ADCY8: variants seen among roughly 807,000 people sequenced by gnomAD.
ADCY8 encodes adenylate cyclase type 8.
A neutral mutation model predicts 119.7 loss-of-function variants in ADCY8; 51 were observed. The observed-to-expected ratio is 0.43, with a 90% CI of 0.34 to 0.54. The LOEUF is 0.54. Ranked by LOEUF, ADCY8 falls within the 20% of genes least tolerant of loss-of-function variation. The probability of loss-of-function intolerance (pLI) is 0.03; values close to 1 mark genes in which losing one functional copy is unlikely to be tolerated. For missense variants in ADCY8, 1,383 were observed against 1,598.8 expected, an observed-to-expected ratio of 0.87 and a Z score of 2.30; for synonymous variants, 665 against 651.0, an observed-to-expected ratio of 1.02 and a Z score of -0.33.
intron 4 of ADCY8, among the ~76,000 whole-genome samples, chr8:130,941,648 T>A (rs1820960542): frequency 6.6e-6 from 1 of 152,086 alleles, no homozygotes; most frequent in African/African-American, 2.4e-5. Flanking sequence ...CAGTTTCCAC[T>A]TCCTCCTCCG....
At chr8:131,009,805 G>C (rs1823243805) in intron 1 of ADCY8, among the ~76,000 whole-genome samples, 1 of 152,208 alleles carries the variant, frequency 6.6e-6, no homozygotes. Flanking sequence ...GGCAAGCAAG[G>C]ATGGGGAAAG....
intron 5 of ADCY8, among the ~76,000 whole-genome samples, chr8:130,934,377 C>T (rs1426076957): frequency 6.7e-6 from 1 of 149,880 alleles, no homozygotes; most frequent in Non-Finnish European, 1.5e-5. Flanking sequence ...AGGAAGAGAG[C>T]AAAGAAGGAG....
chr8:130,909,039 A>AT (rs138730507), intron 6 of ADCY8, among the ~76,000 whole-genome samples: 12,691 of 63,870 alleles, frequency 0.2, 622 homozygotes, highest in East Asian at 0.31. Context: ...CCATCCATCC[A>AT]CCATCCATCC....
In ADCY8 at chr8:130,780,879, TG is replaced by T. The variant is rs1470049531; in HGVS notation, c.3269-3del. 3.1e-6 allele frequency: 5 copies of T among 1,612,116 alleles called. No individual in the cohort carries two copies. The African/African-American group carries it at 5.3e-5, about 17-fold the overall frequency. The stretch of plus-strand genomic sequence containing the variant: ...CTACCACTGAGCCGTGGCTGATGCC[TG>T]GGGGGTGAAGCAAAGGAGCAAGAAG... On this transcript the variant is annotated splice_region_variant and splice_polypyrimidine_tract_variant and intron_variant, in intron 17 of 17. Coordinates refer to ENST00000286355, the MANE Select transcript of ADCY8 (RefSeq NM_001115.3).
intron 17 of ADCY8, among the ~76,000 whole-genome samples, chr8:130,781,950 G>T (rs937191995): frequency 6.6e-6 from 1 of 152,040 alleles, no homozygotes; most frequent in Non-Finnish European, 1.5e-5. Flanking sequence ...ATACAGCCCT[G>T]GTCCCCATGG....
In ADCY8 at chr8:130,845,388, G is replaced by T. The variant is rs1196263294; in HGVS notation, c.2502+2036C>A. On this transcript the variant is annotated intron_variant, in intron 11 of 17. Coordinates refer to ENST00000286355, the MANE Select transcript of ADCY8 (RefSeq NM_001115.3). ...TGAGAACACATTGTTTAACTCCACA[G>T]TAGCCATGTAAAGAAGGTATTAATT... Among the ~76,000 whole-genome samples the T allele has an allele frequency of 5.3e-5, 8 of 152,188 alleles. No individual in the cohort carries two copies. The South Asian group carries it at 1.4e-3, about 28-fold the overall frequency.
chr8:130,900,630 C>T (rs1292245450), intron 7 of ADCY8, among the ~76,000 whole-genome samples: 1 of 152,214 alleles, frequency 6.6e-6, no homozygotes, highest in Admixed American at 6.5e-5. Context: ...ACACCACATT[C>T]CCTAGTTCTC....
intron 12 of ADCY8, 42 bp downstream of exon 12, chr8:130,836,235 G>T: frequency 6.4e-7 from 1 of 1,555,512 alleles, no homozygotes; most frequent in African/African-American, 1.4e-5. Flanking sequence ...ACTTCCCACA[G>T]GAAGTTGAGC....
intron 12 of ADCY8, among the ~76,000 whole-genome samples, chr8:130,822,019 A>T (rs1485452984): frequency 6.6e-6 from 1 of 152,242 alleles, no homozygotes; most frequent in Non-Finnish European, 1.5e-5. Context: ...AGAGAAGCAC[A>T]TAATTATTGA....
chr8:130,844,400 A>G (rs1817237135), intron 11 of ADCY8, among the ~76,000 whole-genome samples: 1 of 152,206 alleles, frequency 6.6e-6, no homozygotes, highest in Admixed American at 6.5e-5. Flanking sequence ...TATACTTTAT[A>G]TCATACATTG....
intron 5 of ADCY8, among the ~76,000 whole-genome samples, chr8:130,933,404 T>A (rs374716803): frequency 1.3e-5 from 2 of 152,256 alleles, no homozygotes; most frequent in African/African-American, 4.8e-5. Context: ...TCTAAACACA[T>A]TAAGGTGCAA....
Position 131,040,298 on chromosome 8 carries a change from G to A in ADCY8, c.36C>T (p.Ser12=). The change falls in exon 1 of 18, where the codon AGC becomes AGT. Residue 12 remains serine (S), a synonymous_variant. Transcript: ENST00000286355. Reference sequence around the variant, plus strand: ...TCGGGTGGATGGTGTAGAGTTCCTCGCTGCCTGTAAGGCAGCGCACATCGG... The same window carrying A: ...TCGGGTGGATGGTGTAGAGTTCCTCACTGCCTGTAAGGCAGCGCACATCGG... ...ELSDVRCLTG[S]EELYTIHPTP... 1 of 1,555,946 alleles carries A rather than the reference G, an allele frequency of 6.4e-7. No homozygotes were observed.
chr8:130,972,357 T>C (rs1821948417), intron 2 of ADCY8, among the ~76,000 whole-genome samples: 2 of 152,184 alleles, frequency 1.3e-5, no homozygotes, highest in Non-Finnish European at 2.9e-5. Flanking sequence ...ATGTGTGTTT[T>C]GCTAAACCTT....
At chr8:130,912,639 G>T (rs1202853695) in intron 5 of ADCY8, among the ~76,000 whole-genome samples, 1 of 152,202 alleles carries the variant, frequency 6.6e-6, no homozygotes, top group Non-Finnish European at 1.5e-5. Flanking sequence ...ACATAAGAAA[G>T]TAAAGTTGAA....
chr8:130,844,833 A>T, intron 11 of ADCY8, among the ~76,000 whole-genome samples: 1 of 152,216 alleles, frequency 6.6e-6, no homozygotes, highest in African/African-American at 2.4e-5. Context: ...AAATGGTAAC[A>T]TCAATCCATA....
At position 131,035,661 on chromosome 8, in the gene ADCY8, C is replaced by G. The variant is rs575410308; in HGVS notation, c.960+3713G>C. ...AGGGTAGAAAGAGGGAAAGCAGATT[C>G]TCATAGCTTAGATTAAAGGAAGGCA... is the stretch of plus-strand genomic sequence containing the variant. On this transcript the variant is annotated intron_variant, in intron 1 of 17. Coordinates refer to ENST00000286355, the MANE Select transcript of ADCY8 (RefSeq NM_001115.3). 1.2e-3 allele frequency among the ~76,000 whole-genome samples: 184 copies of G among 152,236 alleles called. 2 individuals are homozygous for G. In the South Asian group the frequency reaches 0.018, roughly 15 times the overall value.
intron 9 of ADCY8, among the ~76,000 whole-genome samples, chr8:130,863,409 A>G (rs1232663861): frequency 6.9e-6 from 1 of 144,874 alleles, no homozygotes. Flanking sequence ...TTTTTTATCT[A>G]CTCTGACAAG....
intron 13 of ADCY8, among the ~76,000 whole-genome samples, chr8:130,820,263 G>A (rs1018531963): frequency 1.3e-4 from 20 of 152,042 alleles, no homozygotes; most frequent in Non-Finnish European, 2.1e-4. Context: ...GGGGTTTTGG[G>A]CTGTTTCATC....
chr8:130,781,533 C>T (rs1402408094), intron 17 of ADCY8, among the ~76,000 whole-genome samples: 1 of 152,216 alleles, frequency 6.6e-6, no homozygotes, highest in African/African-American at 2.4e-5. Flanking sequence ...GATCCTTAGA[C>T]TCACAATCAA....
Sources: allele counts gnomAD v4.1 joint callset (sites outside exome capture counted in the v4.1 genomes callset), GRCh38; gene constraint gnomAD v4.1.1; transcripts MANE v1.5; gene names NCBI Gene and HGNC (gene_info 2026-07-23, HGNC 2026-07-21).